EEA1: variants seen among roughly 807,000 people sequenced by gnomAD.
EEA1 encodes the protein early endosome antigen 1.
In EEA1, 111 loss-of-function variants were observed where a neutral mutation model predicts 209.2. The ratio of observed to expected loss-of-function variants is 0.53; its 90% CI spans 0.45 to 0.62. The LOEUF is 0.62. EEA1 is among the 20% of genes least tolerant of loss of function. EEA1 has a pLI of 0.00. For synonymous variants in EEA1, 536 were observed against 540.6 expected (o/e 0.99, Z 0.12); for missense variants, 1,343 against 1,530.8 (o/e 0.88, Z 2.05).
At chr12:92,881,313 G>A (rs976858638) in intron 2 of EEA1, among the ~76,000 whole-genome samples, 3 of 152,172 alleles carry the variant, frequency 2.0e-5, no homozygotes, top group Non-Finnish European at 2.9e-5. Flanking sequence ...TACTCTACTC[G>A]GGAGGCAGTG....
rs151234347 is a variant in EEA1, at chr12:92,833,262, A to G, written c.916-412T>C. 9.6e-4 allele frequency among the ~76,000 whole-genome samples: 146 copies of G among 152,332 alleles called. 2 individuals are homozygous for G. The East Asian group carries it at 0.022, about 23-fold the overall frequency. ...CAATTTCATAGTTGGTAAGAGCTTTAGCACAGCAATATCATCCACTGTTCT... is the reference window on the plus strand; with the variant it reads ...CAATTTCATAGTTGGTAAGAGCTTTGGCACAGCAATATCATCCACTGTTCT... On this transcript the variant is annotated intron_variant, in intron 10 of 28. Coordinates refer to ENST00000322349, the MANE Select transcript of EEA1 (RefSeq NM_003566.4).
chr12:92,911,666 C>T (rs1226425705), intron 1 of EEA1, among the ~76,000 whole-genome samples: 1 of 152,154 alleles, frequency 6.6e-6, no homozygotes, highest in Non-Finnish European at 1.5e-5. Flanking sequence ...CATAGGTTCA[C>T]GAATCATAAC....
chr12:92,831,997 G>A (rs1370049857), intron 11 of EEA1, among the ~76,000 whole-genome samples: 1 of 150,284 alleles, frequency 6.7e-6, no homozygotes, highest in African/African-American at 2.4e-5. Flanking sequence ...TGAGGCAGGA[G>A]AATGGCGTGA....
At chr12:92,815,628 T>C (rs903485889) in intron 15 of EEA1, among the ~76,000 whole-genome samples, 4 of 152,108 alleles carry the variant, frequency 2.6e-5, no homozygotes, top group African/African-American at 4.8e-5. Flanking sequence ...GAAAAAATTA[T>C]GTCTTACTGC....
chr12:92,846,958 T>C (rs1426196366), intron 9 of EEA1, among the ~76,000 whole-genome samples: 1 of 152,190 alleles, frequency 6.6e-6, no homozygotes, highest in African/African-American at 2.4e-5. Context: ...TTTTAATTTT[T>C]TTTCTTTTTT....
Position 92,842,471 on chromosome 12 carries a change from T to G in EEA1, c.909A>C (p.Lys303Asn). ...LKSSVNELTQ[K>N]NQTLTENLLK... ...ATAGCTTTAAAATTCTCACCTGATT[T>G]TTTTGTGTTAATTCATTAACTGAAC... The change falls in exon 10 of 29, where the codon AAA becomes AAC. Residue 303 changes from lysine to asparagine, a missense_variant. Physicochemically the swap from Lys to Asn is moderately conservative, Grantham distance 94. Transcript: ENST00000322349. 4 of 1,529,888 alleles carry G rather than the reference T, an allele frequency of 2.6e-6. No homozygotes were observed. Among genetic ancestry groups the G allele is most frequent in the Non-Finnish European group, 3.6e-6 (4 of 1,109,344 alleles). 94.8% of individuals were successfully genotyped at this position (1,529,888 alleles called of 1,614,324 possible). A position where few individuals can be genotyped will look rare whatever the true frequency, so the allele number is the denominator to read the frequency against.
chr12:92,800,277 T>A (rs1027640791), intron 20 of EEA1, among the ~76,000 whole-genome samples: 2 of 152,124 alleles, frequency 1.3e-5, no homozygotes, highest in African/African-American at 4.8e-5. Flanking sequence ...ATCTGGGGCA[T>A]ATTTTACTAC....
chr12:92,810,187 TA>T (rs1202343660), intron 17 of EEA1, among the ~76,000 whole-genome samples: 2 of 152,104 alleles, frequency 1.3e-5, no homozygotes, highest in Non-Finnish European at 2.9e-5. Flanking sequence ...CTGTAGCCCT[TA>T]CCATTGACCT....
intron 23 of EEA1, among the ~76,000 whole-genome samples, chr12:92,780,755 G>A (rs924322513): frequency 2.0e-5 from 3 of 151,972 alleles, no homozygotes; most frequent in African/African-American, 7.2e-5. Flanking sequence ...TATTATCTCA[G>A]TTAATCTCTA....
chr12:92,779,553 A>G (rs1282829573), intron 24 of EEA1, among the ~76,000 whole-genome samples: 1 of 152,004 alleles, frequency 6.6e-6, no homozygotes, highest in East Asian at 1.9e-4. Flanking sequence ...AACAAACTGT[A>G]CTCTCTATTT....
intron 1 of EEA1, among the ~76,000 whole-genome samples, chr12:92,900,334 A>G (rs964568708): frequency 1.8e-4 from 28 of 152,272 alleles, no homozygotes; most frequent in Admixed American, 6.5e-4. Context: ...CTAGTATAGT[A>G]TGGAAGAGCA....
chr12:92,802,617 T>TA lies in EEA1; in HGVS notation c.2456dup (p.Leu819PhefsTer10). 1 of 1,605,078 alleles carries TA rather than the reference T, an allele frequency of 6.2e-7. No homozygotes were observed. The highest frequency in any genetic ancestry group is 1.3e-5 in the African/African-American group (1 of 74,178). ...CATGCTGAATCTTTGTTTCTTGACT[T>TA]AAAGTTTCAAAATCTTGTTTCAGGA... On this transcript the variant is annotated frameshift_variant, in exon 19 of 29. Transcript: ENST00000322349. LOFTEE classifies it high-confidence loss of function.
At chr12:92,915,779 A>G (rs1482636538) in intron 1 of EEA1, among the ~76,000 whole-genome samples, 1 of 152,140 alleles carries the variant, frequency 6.6e-6, no homozygotes, top group Non-Finnish European at 1.5e-5. Context: ...GGATCTTCCA[A>G]CTCCAAAATT....
intron 22 of EEA1, 43 bp downstream of exon 22, chr12:92,787,824 T>C (rs377711461): frequency 1.7e-5 from 24 of 1,386,596 alleles, no homozygotes; most frequent in Non-Finnish European, 2.1e-5. Context: ...TAAATGTCTA[T>C]AAAACTTACT....
intron 9 of EEA1, among the ~76,000 whole-genome samples, chr12:92,848,786 G>A (rs902269535): frequency 8.0e-6 from 1 of 124,652 alleles, no homozygotes; most frequent in Admixed American, 1.0e-4. Flanking sequence ...AGGCTAGAGT[G>A]CAGTGGTGTG....
intron 10 of EEA1, among the ~76,000 whole-genome samples, chr12:92,838,302 T>C (rs933413708): frequency 1.3e-5 from 2 of 152,192 alleles, no homozygotes; most frequent in African/African-American, 2.4e-5. Flanking sequence ...TATCAAATCA[T>C]GTCCTTTATT....
chr12:92,837,397 T>C (rs1372830055), intron 10 of EEA1, among the ~76,000 whole-genome samples: 3 of 152,138 alleles, frequency 2.0e-5, no homozygotes, highest in Non-Finnish European at 2.9e-5. Flanking sequence ...GCAGTGGTAA[T>C]ACAAGCGATA....
rs1875363673 is a variant in EEA1 at position 92,809,222 on chromosome 12, T to C, written c.2200-66A>G. 5 of 1,238,106 alleles carry C rather than the reference T, an allele frequency of 4.0e-6. No individual in the cohort carries two copies. In the South Asian group the frequency reaches 6.3e-5, roughly 15 times the overall value. 76.7% of individuals were successfully genotyped at this position (1,238,106 alleles called of 1,614,324 possible). On this transcript the variant is annotated intron_variant, in intron 17 of 28. Transcript: ENST00000322349. The stretch of plus-strand genomic sequence containing the variant: ...TAATTATCAATCTATTATTAAATAC[T>C]ATAACATTTTTGTTTATATTCAAAC...
intron 1 of EEA1, among the ~76,000 whole-genome samples, chr12:92,925,792 A>G (rs1021049696): frequency 3.3e-5 from 5 of 152,216 alleles, no homozygotes; most frequent in Non-Finnish European, 4.4e-5. Context: ...GGACAAAAGC[A>G]GGAGAACCAG....
Sources: allele counts gnomAD v4.1 joint callset (sites outside exome capture counted in the v4.1 genomes callset), GRCh38; gene constraint gnomAD v4.1.1; transcripts MANE v1.5; gene names NCBI Gene and HGNC (gene_info 2026-07-23, HGNC 2026-07-21).